The following ZNF865 variants were observed in gnomAD, a reference collection of about 807,000 sequenced individuals.
ZNF865 encodes zinc finger protein 865.
For missense variants in ZNF865, 1,311 were observed against 1,593.4 expected, an observed-to-expected ratio of 0.82 and a Z score of 3.02; for synonymous variants, 763 against 750.8, an observed-to-expected ratio of 1.02 and a Z score of -0.27.
chr19:55,607,684 TC>T (rs777313780), intron 1 of ZNF865, among the ~76,000 whole-genome samples: 5 of 152,144 alleles, frequency 3.3e-5, no homozygotes, highest in Non-Finnish European at 5.9e-5. Flanking sequence ...TGTCATCTTG[TC>T]CCTCCCAAAA....
At chr19:55,607,303 A>G (rs1980978737) in intron 1 of ZNF865, among the ~76,000 whole-genome samples, 1 of 152,188 alleles carries the variant, frequency 6.6e-6, no homozygotes, top group Non-Finnish European at 1.5e-5. Flanking sequence ...GCAGATGATT[A>G]AAAGACAAAA....
chr19:55,610,485 T>TA (rs1981093449), intron 1 of ZNF865, among the ~76,000 whole-genome samples: 1 of 152,222 alleles, frequency 6.6e-6, no homozygotes, highest in Admixed American at 6.5e-5. Context: ...GGTGTCGAAC[T>TA]CCTAACCTCA....
chr19:55,606,561 C>A (rs1006059180), intron 1 of ZNF865, among the ~76,000 whole-genome samples: 5 of 152,346 alleles, frequency 3.3e-5, no homozygotes, highest in African/African-American at 1.2e-4. Context: ...GTGAAGCCTT[C>A]CTTCCCAGAA....
intron 1 of ZNF865, among the ~76,000 whole-genome samples, chr19:55,612,093 G>A (rs572046968): frequency 1.3e-5 from 2 of 152,184 alleles, no homozygotes; most frequent in Non-Finnish European, 2.9e-5. Flanking sequence ...GCTTAGCCCA[G>A]GTGTGTGATG....
Position 55,615,949 on chromosome 19 carries a change from G to C in ZNF865, c.2331G>C (p.Ala777=). The change falls in exon 2 of 2, where the codon GCG becomes GCC. Residue 777 remains alanine, a synonymous_variant. Transcript: ENST00000568956. ...VSGGEDAGGA[A]VAGAGGGASS... is the part of the protein sequence containing the mutation. ...GGGGTGAGGACGCAGGCGGGGCGGC[G>C]GTGGCAGGTGCTGGCGGGGGTGCCA... The C allele has an allele frequency of 6.6e-7, 1 of 1,510,650 alleles. No homozygotes were observed. Among genetic ancestry groups the C allele is most frequent in the Non-Finnish European group, 8.8e-7 (1 of 1,135,196 alleles). The allele number at this position is 1,510,650 out of a possible 1,614,324, so 93.6% of individuals were successfully genotyped here.
In ZNF865 at chr19:55,613,812, C is replaced by T. The variant is rs1454176921; in HGVS notation, c.194C>T (p.Pro65Leu). The change falls in exon 2 of 2, where the codon CCG (proline) becomes CTG (leucine). Residue 65 changes from proline (P) to leucine (L), a missense_variant. Physicochemically the swap from Pro to Leu is moderately conservative, Grantham distance 98 (BLOSUM62 -3). Coordinates refer to ENST00000568956, the MANE Select transcript of ZNF865 (RefSeq NM_001195605.2). ...GCCCTGCCCTGCGCCCCCGGCCCCC[C>T]GCCGCAGCCCCCGCCGCAGCCCCCT... The part of the protein sequence containing the change: ...VAALPCAPGP[P>L]PQPPPQPPPP... The T allele has an allele frequency of 6.7e-6, 10 of 1,494,316 alleles. No individual in the cohort carries two copies. Among genetic ancestry groups the T allele is most frequent in the Non-Finnish European group, 8.9e-6 (10 of 1,125,586 alleles). 92.6% of individuals were successfully genotyped at this position (1,494,316 alleles called of 1,614,324 possible).
chr19:55,612,285 G>T (rs1476553298), intron 1 of ZNF865, among the ~76,000 whole-genome samples: 1 of 152,148 alleles, frequency 6.6e-6, no homozygotes, highest in Non-Finnish European at 1.5e-5. Flanking sequence ...CAAGCCCAGG[G>T]TCTGTGTTTT....
In ZNF865 at chr19:55,613,912, G is replaced by C. The variant is rs754806006; in HGVS notation, c.294G>C (p.Ser98=). The C allele has an allele frequency of 7.1e-5, 107 of 1,510,686 alleles. No homozygotes were observed. Among genetic ancestry groups the C allele is most frequent in the African/African-American group, 2.1e-4 (15 of 71,110 alleles). 93.6% of individuals were successfully genotyped at this position (1,510,686 alleles called of 1,614,324 possible). ...KAEVPSSSSS[S]SSSSSSSSSS... ...AGGTGCCCTCCTCGTCCTCGTCCTC[G>C]TCCTCCTCCTCCTCCTCTTCGTCCT... Residue 98 remains serine (S), a synonymous_variant, in exon 2 of 2, where the codon TCG becomes TCC. Transcript: ENST00000568956.
In ZNF865 at chr19:55,615,203, C is replaced by A; in HGVS notation, c.1585C>A (p.Leu529Met). ...PVPLLGAHPL[L>M]LGGAGTSGAG... ...CCCGCTCCTGGGCGCCCACCCGCTG[C>A]TGCTCGGCGGCGCGGGGACCAGCGG... The change falls in exon 2 of 2, where the codon CTG (leucine) becomes ATG (methionine). Residue 529 changes from leucine (L) to methionine (M), a missense_variant. Leu to Met is a conservative substitution (Grantham distance 15). Coordinates refer to ENST00000568956, the MANE Select transcript of ZNF865 (RefSeq NM_001195605.2). 7.0e-7 allele frequency: 1 copy of A among 1,432,978 alleles called. No homozygotes were observed. Among genetic ancestry groups the A allele is most frequent in the Non-Finnish European group, 9.1e-7 (1 of 1,104,708 alleles). The allele number at this position is 1,432,978 out of a possible 1,614,324, so 88.8% of individuals were successfully genotyped here.
At position 55,614,749 on chromosome 19, in the gene ZNF865, C is replaced by T. The variant is rs1375781247; in HGVS notation, c.1131C>T (p.Pro377=). The change falls in exon 2 of 2, where the codon CCC becomes CCT. Residue 377 remains proline, a synonymous_variant. Coordinates refer to ENST00000568956, the MANE Select transcript of ZNF865 (RefSeq NM_001195605.2). This position sits in a 1 kb window ranked among gnomAD's most constrained non-coding sequence, Gnocchi z 8.0. ...QHQIIHTGEK[P]FSCSVCSKSF... ...AGATCATCCACACGGGCGAGAAGCC[C>T]TTCTCCTGCTCCGTGTGCAGCAAAA... The T allele has an allele frequency of 1.9e-6, 3 of 1,585,064 alleles. No homozygotes were observed. Among genetic ancestry groups the T allele is most frequent in the East Asian group, 4.6e-5 (2 of 43,912 alleles).
chr19:55,616,222 C>T lies in ZNF865; in HGVS notation c.2604C>T (p.Arg868=). 1 of 1,525,542 alleles carries T rather than the reference C, an allele frequency of 6.6e-7. No individual in the cohort carries two copies. The highest frequency in any genetic ancestry group is 8.8e-7 in the Non-Finnish European group (1 of 1,141,182). 94.5% of individuals were successfully genotyped at this position (1,525,542 alleles called of 1,614,324 possible). A position where few individuals can be genotyped will look rare whatever the true frequency, so the allele number is the denominator to read the frequency against. The change falls in exon 2 of 2, where the codon CGC becomes CGT. Residue 868 remains arginine, a synonymous_variant. Transcript: ENST00000568956. ...WEAALLMRHQ[R]CHTEQRPYRC... ...CGGCCCTGCTGATGCGCCACCAGCG[C>T]TGCCACACGGAACAGCGGCCGTACC...
rs538278659 is a variant in ZNF865 at position 55,613,983 on chromosome 19, C to T, written c.365C>T (p.Pro122Leu). The change falls in exon 2 of 2, where the codon CCC (proline) becomes CTC (leucine). Residue 122 changes from proline (P) to leucine (L), a missense_variant. Transcript: ENST00000568956. ...TCTTCCTCTTCCCAAGCCAAGAAGC[C>T]CGATCCGCCCCTGCCGCCCGCCTTC... ...SSSSSSQAKK[P>L]DPPLPPAFGA... 1.8e-4 allele frequency: 276 copies of T among 1,524,760 alleles called. No homozygotes were observed. In the African/African-American group the frequency reaches 3.3e-3, roughly 18 times the overall value. The allele number at this position is 1,524,760 out of a possible 1,614,324, so 94.5% of individuals were successfully genotyped here.
Position 55,614,971 on chromosome 19 carries a change from G to C in ZNF865, c.1353G>C (p.Ser451=), listed in dbSNP as rs1197785358. The change falls in exon 2 of 2, where the codon TCG becomes TCC. Residue 451 remains serine, a synonymous_variant. Coordinates refer to ENST00000568956, the MANE Select transcript of ZNF865 (RefSeq NM_001195605.2). This position sits in a 1 kb window ranked among gnomAD's most constrained non-coding sequence, Gnocchi z 8.0. ...GCGACCTGTGCGGCAAGTCCTACTC[G>C]GCTCCGCAGAGCCTGCTCCGCCACA... ...YPCDLCGKSY[S]APQSLLRHKA... 1.4e-6 allele frequency: 2 copies of C among 1,437,452 alleles called. No homozygotes were observed. Among genetic ancestry groups the C allele is most frequent in the South Asian group, 2.8e-5 (2 of 71,050 alleles). The allele number at this position is 1,437,452 out of a possible 1,614,324, so 89.0% of individuals were successfully genotyped here. A position where few individuals can be genotyped will look rare whatever the true frequency, so the allele number is the denominator to read the frequency against.
rs1237996745 is a variant in ZNF865 at position 55,611,696 on chromosome 19, C to G, written c.-26-1897C>G. On this transcript the variant is annotated intron_variant, in intron 1 of 1. Transcript: ENST00000568956. This position sits in a 1 kb window ranked among gnomAD's most constrained non-coding sequence, Gnocchi z 4.5. ...TGGATAGAGGATAAAGGGTCCAGGC[C>G]TTGGTAGGAACCCCCTTGACCCCCA... Among the ~76,000 whole-genome samples, 1 of 152,140 alleles carries G rather than the reference C, an allele frequency of 6.6e-6. No homozygotes were observed. Among genetic ancestry groups the G allele is most frequent in the Admixed American group, 6.6e-5 (1 of 15,266 alleles).
In ZNF865 at chr19:55,616,730, G is replaced by A. The variant is rs1434005799; in HGVS notation, c.3112G>A (p.Ala1038Thr). 9.9e-6 allele frequency: 15 copies of A among 1,507,602 alleles called. No homozygotes were observed. Among genetic ancestry groups the A allele is most frequent in the African/African-American group, 1.4e-5 (1 of 71,722 alleles). 93.4% of individuals were successfully genotyped at this position (1,507,602 alleles called of 1,614,324 possible). A position where few individuals can be genotyped will look rare whatever the true frequency, so the allele number is the denominator to read the frequency against. ...NTYGLKKHRL[A>T]HKAENLGGPG... ...CTACGGCCTCAAGAAACACCGCCTG[G>A]CGCACAAGGCCGAGAACCTCGGGGG... Residue 1038 changes from alanine to threonine, a missense_variant, in exon 2 of 2, where the codon GCG becomes ACG. Coordinates refer to ENST00000568956, the MANE Select transcript of ZNF865 (RefSeq NM_001195605.2).
intron 1 of ZNF865, among the ~76,000 whole-genome samples, chr19:55,608,480 A>T (rs1981022071): frequency 1.3e-5 from 2 of 151,958 alleles, no homozygotes; most frequent in Non-Finnish European, 2.9e-5. Context: ...ACGCCCAGCT[A>T]ATTTTGTATT....
At chr19:55,607,439 G>GAAAA (rs112301848) in intron 1 of ZNF865, among the ~76,000 whole-genome samples, 2 of 78,414 alleles carry the variant, frequency 2.6e-5, no homozygotes, top group Non-Finnish European at 2.5e-5. Context: ...GTCTTTACAG[G>GAAAA]AAAAAAAAAA....
At position 55,613,877 on chromosome 19, in the gene ZNF865, C is replaced by G; in HGVS notation, c.259C>G (p.Pro87Ala). 2 of 1,497,196 alleles carry G rather than the reference C, an allele frequency of 1.3e-6. No individual in the cohort carries two copies. The highest frequency in any genetic ancestry group is 1.8e-6 in the Non-Finnish European group (2 of 1,116,120). 92.7% of individuals were successfully genotyped at this position (1,497,196 alleles called of 1,614,324 possible). ...CTACCCGCCCCAGTCCACCTTCAAG[C>G]CCAAGGCGGAGGTGCCCTCCTCGTC... Reference protein sequence around the residue: ...YDYPPQSTFKPKAEVPSSSSS... With the variant: ...YDYPPQSTFKAKAEVPSSSSS... The change falls in exon 2 of 2, where the codon CCC (proline) becomes GCC (alanine). Residue 87 changes from proline (P) to alanine (A), a missense_variant. Transcript: ENST00000568956.
At position 55,611,819 on chromosome 19, in the gene ZNF865, C is replaced by G. The variant is rs1981146585; in HGVS notation, c.-26-1774C>G. 6.6e-6 allele frequency among the ~76,000 whole-genome samples: 1 copy of G among 152,056 alleles called. No individual in the cohort carries two copies. Among genetic ancestry groups the G allele is most frequent in the Non-Finnish European group, 1.5e-5 (1 of 68,046 alleles). ...GCCCTTCACCGACTCACCCTCCGCC[C>G]ACTTGGTGGAGGTGCTTCCCCAGGC... On this transcript the variant is annotated intron_variant, in intron 1 of 1. Coordinates refer to ENST00000568956, the MANE Select transcript of ZNF865 (RefSeq NM_001195605.2). This position sits in a 1 kb window ranked among gnomAD's most constrained non-coding sequence, Gnocchi z 4.5.
Sources: allele counts gnomAD v4.1 joint callset (sites outside exome capture counted in the v4.1 genomes callset), GRCh38; gene constraint gnomAD v4.1.1; non-coding constraint Gnocchi (gnomAD v3.1); transcripts MANE v1.5; gene names NCBI Gene and HGNC (gene_info 2026-07-23, HGNC 2026-07-21).